AMPH: variants seen among roughly 807,000 people sequenced by gnomAD.
AMPH encodes the protein amphiphysin (Stiff-Mann syndrome with breast cancer 128kD autoantigen).
A neutral mutation model predicts 99.1 loss-of-function variants in AMPH; 49 were observed. The observed-to-expected ratio is 0.49, with a 90% confidence interval of 0.39 to 0.63. AMPH has a LOEUF of 0.63. Among genes scored for constraint, AMPH ranks in the 20% least tolerant of loss-of-function variants. AMPH has a pLI of 0.00. For missense variants in AMPH, 759 were observed against 863.4 expected, an observed-to-expected ratio of 0.88 and a Z score of 1.52; for synonymous variants, 314 against 317.3, an observed-to-expected ratio of 0.99 and a Z score of 0.11.
intron 17 of AMPH, among the ~76,000 whole-genome samples, 173 bp from the exon 18 acceptor site, chr7:38,394,387 G>A (rs1004546397): frequency 2.6e-5 from 4 of 152,172 alleles, no homozygotes; most frequent in South Asian, 2.1e-4. Context: ...TCAACACTCC[G>A]ACTTCTCTTC....
chr7:38,487,807 G>C (rs1788563020), intron 5 of AMPH, among the ~76,000 whole-genome samples: 1 of 150,050 alleles, frequency 6.7e-6, no homozygotes, highest in South Asian at 2.3e-4. Context: ...AATCTACAAA[G>C]AACTTAAACA....
At chr7:38,569,893 A>G (rs1435354952) in intron 1 of AMPH, among the ~76,000 whole-genome samples, 2 of 152,140 alleles carry the variant, frequency 1.3e-5, no homozygotes, top group Non-Finnish European at 2.9e-5. Context: ...CAGAAAACCA[A>G]AATATCATAA....
At chr7:38,624,425 C>T (rs1048250419) in intron 1 of AMPH, among the ~76,000 whole-genome samples, 10 of 151,524 alleles carry the variant, frequency 6.6e-5, no homozygotes, top group Non-Finnish European at 2.9e-5. Flanking sequence ...AGATGGAGTT[C>T]GCTCTGTCGC....
chr7:38,593,323 AAAC>A (rs1284511314), intron 1 of AMPH, among the ~76,000 whole-genome samples: 3 of 152,232 alleles, frequency 2.0e-5, no homozygotes, highest in Admixed American at 2.0e-4. Context: ...CAGTCTTCAA[AAAC>A]AATAAGATAA....
At chr7:38,517,850 T>C (rs1430683008) in intron 2 of AMPH, among the ~76,000 whole-genome samples, 1 of 152,168 alleles carries the variant, frequency 6.6e-6, no homozygotes, top group Non-Finnish European at 1.5e-5. Context: ...AAGAGATTAA[T>C]ATGAACAAAA....
At chr7:38,428,645 T>C (rs916940396) in intron 14 of AMPH, 6 of 456,588 alleles carry the variant, frequency 1.3e-5, no homozygotes, top group African/African-American at 1.2e-4. Context: ...GGCTGCCATC[T>C]TCAATATTAG....
chr7:38,514,618 G>A (rs1327860669), intron 2 of AMPH, among the ~76,000 whole-genome samples: 1 of 152,158 alleles, frequency 6.6e-6, no homozygotes, highest in Non-Finnish European at 1.5e-5. Flanking sequence ...GAGTGGCCTA[G>A]TTATCATGGG....
chr7:38,467,036 T>C (rs1301236524), intron 7 of AMPH, among the ~76,000 whole-genome samples: 1 of 152,262 alleles, frequency 6.6e-6, no homozygotes, highest in African/African-American at 2.4e-5. Flanking sequence ...TAAATACATG[T>C]GCATATACCT....
At chr7:38,444,762 T>TA (rs57983498) in intron 11 of AMPH, among the ~76,000 whole-genome samples, 8,474 of 151,762 alleles carry the variant, frequency 0.056, 616 homozygotes, top group East Asian at 0.34. Context: ...GCCCAGGAAA[T>TA]AATACAATAT....
chr7:38,526,439 T>TG (rs927988128), intron 2 of AMPH, among the ~76,000 whole-genome samples: 3 of 142,336 alleles, frequency 2.1e-5, no homozygotes, highest in Non-Finnish European at 4.6e-5. Context: ...CCGGCTTTTT[T>TG]TTTTTTTTTT....
chr7:38,540,380 C>T (rs748990154), intron 1 of AMPH, among the ~76,000 whole-genome samples: 3 of 152,020 alleles, frequency 2.0e-5, no homozygotes, highest in Non-Finnish European at 4.4e-5. Flanking sequence ...GGGATGTGTG[C>T]TCCTCCTCCA....
At chr7:38,390,999 GA>G (rs1562721079) in intron 19 of AMPH, among the ~76,000 whole-genome samples, 1,610 of 92,126 alleles carry the variant, frequency 0.017, 17 homozygotes, top group Non-Finnish European at 0.021. Flanking sequence ...GAGAGAGAGA[GA>G]GAGAGAGAGA....
intron 3 of AMPH, among the ~76,000 whole-genome samples, chr7:38,497,741 C>T (rs537473953): frequency 2.6e-4 from 39 of 152,262 alleles, no homozygotes; most frequent in Admixed American, 1.3e-3. Context: ...CAGCAGCTGC[C>T]TCAAAGGAAA....
At chr7:38,535,085 G>T in intron 1 of AMPH, 74 bp from the exon 2 acceptor site, 2 of 1,323,808 alleles carry the variant, frequency 1.5e-6, no homozygotes, top group South Asian at 1.2e-5. Flanking sequence ...TCTGTTAATG[G>T]AGCAAGGCTG....
intron 4 of AMPH, among the ~76,000 whole-genome samples, chr7:38,494,022 T>A (rs981225320): frequency 2.0e-5 from 3 of 152,198 alleles, no homozygotes; most frequent in East Asian, 1.9e-4. Flanking sequence ...AGTGGTGCGA[T>A]CTTGGCTCAC....
At chr7:38,471,570 A>T (rs1000089351) in intron 7 of AMPH, among the ~76,000 whole-genome samples, 4 of 152,178 alleles carry the variant, frequency 2.6e-5, no homozygotes, top group Non-Finnish European at 5.9e-5. Context: ...GAGAAACAAA[A>T]AAGACATAAG....
At chr7:38,628,065 A>G (rs959664284) in intron 1 of AMPH, among the ~76,000 whole-genome samples, 1 of 152,242 alleles carries the variant, frequency 6.6e-6, no homozygotes, top group African/African-American at 2.4e-5. Flanking sequence ...AAAGGAAGAA[A>G]GAATGGTTGT....
intron 1 of AMPH, among the ~76,000 whole-genome samples, chr7:38,566,996 C>G (rs1791768348): frequency 6.6e-6 from 1 of 152,178 alleles, no homozygotes. Context: ...CCTCAAGGAT[C>G]TAGAACTAGA....
At chr7:38,490,261 T>C (rs1477199908) in intron 5 of AMPH, among the ~76,000 whole-genome samples, 1 of 152,216 alleles carries the variant, frequency 6.6e-6, no homozygotes, top group Non-Finnish European at 1.5e-5. Flanking sequence ...AGCACTTTGC[T>C]GCCTAATATG....
Sources: allele counts gnomAD v4.1 joint callset (sites outside exome capture counted in the v4.1 genomes callset), GRCh38; gene constraint gnomAD v4.1.1; transcripts MANE v1.5; gene names NCBI Gene and HGNC (gene_info 2026-07-23, HGNC 2026-07-21).